The following MLPH variants were observed in gnomAD, a reference collection of about 807,000 sequenced individuals.
MLPH encodes the protein exophilin-3.
A neutral mutation model predicts 72.1 loss-of-function variants in MLPH; 51 were observed. The observed-to-expected ratio is 0.71, with a 90% CI of 0.56 to 0.89. MLPH has a LOEUF of 0.89. MLPH is among the 40% of genes least tolerant of loss of function. The pLI, the probability that MLPH is intolerant of heterozygous loss-of-function variation, is 0.00. For missense variants in MLPH, 743 were observed against 759.9 expected (o/e 0.98, Z 0.26); for synonymous variants, 301 against 310.1 (o/e 0.97, Z 0.31).
intron 12 of MLPH, among the ~76,000 whole-genome samples, chr2:237,544,492 A>C: frequency 4.4e-5 from 1 of 22,914 alleles, no homozygotes; most frequent in Non-Finnish European, 8.7e-5. Context: ...AGTGGGGGGG[A>C]CAGTGGTGAG....
intron 2 of MLPH, among the ~76,000 whole-genome samples, chr2:237,497,583 G>T (rs77468550): frequency 0.02 from 2,997 of 152,314 alleles, 108 homozygotes; most frequent in African/African-American, 0.068. Flanking sequence ...TGGACGCTGT[G>T]CAAGGCCACA....
rs1396523874 is a variant in MLPH, at chr2:237,512,855, GC to G, written c.445+1757del. On this transcript the variant is annotated intron_variant, in intron 4 of 15. Transcript: ENST00000264605. This position sits in a 1 kb window ranked among gnomAD's most constrained non-coding sequence, Gnocchi z 5.5. ...AAGGACGCAGTGTTTCCACAGCTCA[GC>G]CCAGAGCTGCTGGAGTTCACACGGC... Among the ~76,000 whole-genome samples the G allele has an allele frequency of 2.0e-5, 3 of 152,178 alleles. No homozygotes were observed. Among genetic ancestry groups the G allele is most frequent in the Non-Finnish European group, 4.4e-5 (3 of 68,028 alleles).
At chr2:237,515,403 AGTC>A (rs1162643009) in intron 4 of MLPH, among the ~76,000 whole-genome samples, 1 of 152,176 alleles carries the variant, frequency 6.6e-6, no homozygotes, top group Non-Finnish European at 1.5e-5. Context: ...CAGCACAGCC[AGTC>A]CAGTGAATAG....
rs1254807430 is a variant in MLPH at position 237,534,653 on chromosome 2, A to C, written c.1104+6A>C. Reference sequence around the variant, plus strand: ...TTGTGCCTCCCTTGGCCAAGGTAACACTGGGGGCTGGGCAAAGAGAAAGGG... The same window carrying C: ...TTGTGCCTCCCTTGGCCAAGGTAACCCTGGGGGCTGGGCAAAGAGAAAGGG... On this transcript the variant is annotated splice_donor_region_variant and intron_variant, in intron 9 of 15. Transcript: ENST00000264605. 3 of 1,612,844 alleles carry C rather than the reference A, an allele frequency of 1.9e-6. No individual in the cohort carries two copies. The South Asian group carries it at 3.3e-5, about 18-fold the overall frequency.
At chr2:237,497,835 C>T (rs934808554) in intron 2 of MLPH, among the ~76,000 whole-genome samples, 1 of 152,204 alleles carries the variant, frequency 6.6e-6, no homozygotes, top group Non-Finnish European at 1.5e-5. Flanking sequence ...GTGACATCCT[C>T]GGGGTCCTCA....
intron 2 of MLPH, among the ~76,000 whole-genome samples, chr2:237,501,647 T>A (rs1227836497): frequency 7.9e-6 from 1 of 126,946 alleles, no homozygotes; most frequent in African/African-American, 3.1e-5. Context: ...GCTAACATAG[T>A]GAAACCACGT....
Position 237,506,558 on chromosome 2 carries a change from G to A in MLPH, c.111-4016G>A, listed in dbSNP as rs150306992. Among the ~76,000 whole-genome samples the A allele has an allele frequency of 4.6e-5, 7 of 152,162 alleles. No individual in the cohort carries two copies. In the East Asian group the frequency reaches 7.7e-4, roughly 17 times the overall value. On this transcript the variant is annotated intron_variant, in intron 2 of 15. Transcript: ENST00000264605. ...GGGTCATGATCGATTGAGCAAGCAGGGGGTACGTGACTGGGGGCTACATGC... is the reference window on the plus strand; with the variant it reads ...GGGTCATGATCGATTGAGCAAGCAGAGGGTACGTGACTGGGGGCTACATGC...
Position 237,539,147 on chromosome 2 carries a change from G to C in MLPH, c.1105-1201G>C, listed in dbSNP as rs941547106. Among the ~76,000 whole-genome samples the C allele has an allele frequency of 3.3e-5, 5 of 152,184 alleles. No individual in the cohort carries two copies. The South Asian group carries it at 8.3e-4, about 25-fold the overall frequency. ...CAGGCTCTGCCTTTTACTATGGGGG[G>C]GCGGGGAGGCTTGAGCAGAAGACAG... On this transcript the variant is annotated intron_variant, in intron 9 of 15. Coordinates refer to ENST00000264605, the MANE Select transcript of MLPH (RefSeq NM_024101.7).
intron 1 of MLPH, among the ~76,000 whole-genome samples, chr2:237,488,462 C>T (rs1482818168): frequency 6.6e-6 from 1 of 152,124 alleles, no homozygotes; most frequent in Non-Finnish European, 1.5e-5. Flanking sequence ...CACATCCCTC[C>T]ACCTGCTCAT....
At chr2:237,494,979 A>C (rs1397513109) in intron 2 of MLPH, among the ~76,000 whole-genome samples, 1 of 152,172 alleles carries the variant, frequency 6.6e-6, no homozygotes, top group Non-Finnish European at 1.5e-5. Flanking sequence ...TTGTCCTCAG[A>C]GCTACATTCC....
At chr2:237,542,461 T>C in intron 11 of MLPH, 106 bp from the exon 12 acceptor site, 8 of 865,686 alleles carry the variant, frequency 9.2e-6, no homozygotes, top group South Asian at 1.4e-5. Context: ...ACAAGTAAAA[T>C]TGGCTCCAGG....
intron 6 of MLPH, among the ~76,000 whole-genome samples, chr2:237,523,610 A>G (rs2080236299): frequency 6.6e-6 from 1 of 152,220 alleles, no homozygotes; most frequent in South Asian, 2.1e-4. Flanking sequence ...GGGTTTAAGG[A>G]TAACAGGAAG....
At chr2:237,544,456 G>C (rs1301869361) in intron 12 of MLPH, among the ~76,000 whole-genome samples, 1 of 53,420 alleles carries the variant, frequency 1.9e-5, no homozygotes, top group Non-Finnish European at 3.2e-5. Flanking sequence ...TGAGTGGGGG[G>C]ACAGTAGTGA....
chr2:237,543,455 T>G (rs867131040), intron 12 of MLPH, among the ~76,000 whole-genome samples: 28 of 10,988 alleles, frequency 2.5e-3, no homozygotes, highest in South Asian at 3.9e-3. Flanking sequence ...AGTGGTGAGT[T>G]GGGGGACAGT....
chr2:237,545,651 G>A lies in MLPH; in HGVS notation c.1540-955G>A, dbSNP rs1019191120. On this transcript the variant is annotated intron_variant, in intron 12 of 15. Transcript: ENST00000264605. ...ACATCAGAGGAGCTGCTCACGTCAG[G>A]CCAACATCCTCCTCTCCTGATCCCA... is the stretch of plus-strand genomic sequence containing the variant. 3.9e-6 allele frequency: 5 copies of A among 1,272,010 alleles called. No homozygotes were observed. In the African/African-American group the frequency reaches 4.6e-5, roughly 12 times the overall value. 78.8% of individuals were successfully genotyped at this position (1,272,010 alleles called of 1,614,324 possible). A position where few individuals can be genotyped will look rare whatever the true frequency, so the allele number is the denominator to read the frequency against.
At chr2:237,545,261 A>G (rs953554082) in intron 12 of MLPH, among the ~76,000 whole-genome samples, 6 of 147,942 alleles carry the variant, frequency 4.1e-5, no homozygotes, top group Non-Finnish European at 9.0e-5. Context: ...AGGGGAACAC[A>G]GCAACCCAGT....
intron 2 of MLPH, among the ~76,000 whole-genome samples, chr2:237,506,850 G>A (rs2079782274): frequency 6.6e-6 from 1 of 152,092 alleles, no homozygotes; most frequent in Non-Finnish European, 1.5e-5. Context: ...AATAGAAGAT[G>A]GGTGAATTCT....
chr2:237,493,243 A>G (rs1035829847), intron 1 of MLPH, among the ~76,000 whole-genome samples, 160 bp from the exon 2 acceptor site: 1 of 152,224 alleles, frequency 6.6e-6, no homozygotes, highest in African/African-American at 2.4e-5. Context: ...AATTCATTAA[A>G]CTACACAAGT....
chr2:237,505,799 AGT>A lies in MLPH; in HGVS notation c.111-4773_111-4772del, dbSNP rs569397210. Among the ~76,000 whole-genome samples the A allele has an allele frequency of 7.6e-4, 115 of 152,284 alleles. No individual in the cohort carries two copies. The highest frequency in any genetic ancestry group is 2.7e-3 in the African/African-American group (112 of 41,534). ...CTGCCGGGCCTCCCTTGAGGACAGGAGTGCCCCCTTGGCTCTGTTCTGCCCCA... is the reference window on the plus strand; with the variant it reads ...CTGCCGGGCCTCCCTTGAGGACAGGAGCCCCCTTGGCTCTGTTCTGCCCCA... On this transcript the variant is annotated intron_variant, in intron 2 of 15. Transcript: ENST00000264605. The surrounding 1 kb of genome is among the most constrained non-coding windows in gnomAD (Gnocchi z 4.5).
Sources: allele counts gnomAD v4.1 joint callset (sites outside exome capture counted in the v4.1 genomes callset), GRCh38; gene constraint gnomAD v4.1.1; non-coding constraint Gnocchi (gnomAD v3.1); transcripts MANE v1.5; gene names NCBI Gene and HGNC (gene_info 2026-07-23, HGNC 2026-07-21).